The following CDKN2B-AS1 variants were observed in gnomAD, a reference collection of about 807,000 sequenced individuals.
CDKN2B-AS1 encodes CDKN2B antisense RNA 1 (non-protein coding).
chr9:22,019,068 G>T (rs1821911422), intron 1 of CDKN2B-AS1, among the ~76,000 whole-genome samples: 1 of 152,178 alleles, frequency 6.6e-6, no homozygotes, highest in East Asian at 1.9e-4. Flanking sequence ...GGCAAGCTCT[G>T]AGGTGGGACA....
In CDKN2B-AS1 at chr9:22,012,471, A is replaced by G. The variant is rs1034050466; in HGVS notation, n.29+17310A>G. On this transcript the variant is annotated intron_variant and non_coding_transcript_variant, in intron 1 of 4. Coordinates refer to ENST00000650946, the Ensembl canonical transcript of CDKN2B-AS1. ...AAGCGCTATGCTCTCCTGCACCCCT[A>G]TGCTGTCAATTGCCGCAAGAAGAAG... 58 of 689,976 alleles carry G rather than the reference A, an allele frequency of 8.4e-5. No individual in the cohort carries two copies. In the Admixed American group the frequency reaches 9.9e-4, roughly 12 times the overall value. 42.7% of individuals were successfully genotyped at this position (689,976 alleles called of 1,614,324 possible).
At chr9:22,056,814 T>C (rs1218459666) in intron 4 of CDKN2B-AS1, among the ~76,000 whole-genome samples, 1 of 152,232 alleles carries the variant, frequency 6.6e-6, no homozygotes, top group African/African-American at 2.4e-5. Context: ...CTCCGGATTG[T>C]ATATAAAACT....
chr9:22,056,649 T>A (rs773422402), intron 4 of CDKN2B-AS1, among the ~76,000 whole-genome samples: 1 of 152,202 alleles, frequency 6.6e-6, no homozygotes, highest in Non-Finnish European at 1.5e-5. Context: ...TTCTGGCTTC[T>A]CTTCCTTGGC....
chr9:22,009,032 C>T lies in CDKN2B-AS1; in HGVS notation n.29+13871C>T, dbSNP rs775516570. 4 of 1,594,818 alleles carry T rather than the reference C, an allele frequency of 2.5e-6. No homozygotes were observed. The East Asian group carries it at 6.7e-5, about 27-fold the overall frequency. ...TTAACGACACTCTTCCCTTCTTTCC[C>T]ACGCTGCTCCGGCGCACTCTCTCCT... On this transcript the variant is annotated intron_variant and non_coding_transcript_variant, in intron 1 of 4. Transcript: ENST00000650946.
At chr9:22,014,031 C>G (rs946344322) in intron 1 of CDKN2B-AS1, among the ~76,000 whole-genome samples, 1 of 152,108 alleles carries the variant, frequency 6.6e-6, no homozygotes, top group African/African-American at 2.4e-5. Context: ...ATATGGTTGT[C>G]TCTTTCTGTG....
rs79169305 is a variant in CDKN2B-AS1 at position 22,011,396 on chromosome 9, C to T, written n.29+16235C>T. 3.9e-3 allele frequency among the ~76,000 whole-genome samples: 588 copies of T among 152,278 alleles called. 7 individuals are homozygous for T. Among genetic ancestry groups the T allele is most frequent in the African/African-American group, 0.013 (552 of 41,554 alleles). ...GTACTCTGTACGAAGTGCTTTACAG[C>T]TGTTGTTTCATTTAATACTCATAAA... On this transcript the variant is annotated intron_variant and non_coding_transcript_variant, in intron 1 of 4. Transcript: ENST00000650946.
At chr9:22,052,534 T>C (rs925293704) in intron 3 of CDKN2B-AS1, among the ~76,000 whole-genome samples, 1 of 152,142 alleles carries the variant, frequency 6.6e-6, no homozygotes, top group African/African-American at 2.4e-5. Context: ...GGCGAATCTT[T>C]AAGGCAAGTT....
chr9:22,026,524 A>C (rs1212909735), intron 1 of CDKN2B-AS1, among the ~76,000 whole-genome samples: 1 of 152,204 alleles, frequency 6.6e-6, no homozygotes, highest in Non-Finnish European at 1.5e-5. Context: ...GGAGCTTTGT[A>C]CCAGGGAGGC....
intron 4 of CDKN2B-AS1, among the ~76,000 whole-genome samples, chr9:22,086,502 A>G (rs1013056264): frequency 1.3e-5 from 2 of 152,200 alleles, no homozygotes; most frequent in Admixed American, 6.5e-5. Flanking sequence ...CTTATCTCAC[A>G]TGTAAGTTGA....
intron 1 of CDKN2B-AS1, among the ~76,000 whole-genome samples, chr9:22,028,648 AG>A (rs1271890185): frequency 6.6e-6 from 1 of 152,166 alleles, no homozygotes; most frequent in African/African-American, 2.4e-5. Flanking sequence ...AAAAATATGA[AG>A]GCAATTTTAA....
chr9:22,045,038 TTGTGTGTG>T (rs3028395), intron 1 of CDKN2B-AS1, among the ~76,000 whole-genome samples: 16 of 141,952 alleles, frequency 1.1e-4, no homozygotes, highest in South Asian at 6.8e-4. Context: ...TATTATTTAT[TTGTGTGTG>T]TGTGTGTGTG....
intron 4 of CDKN2B-AS1, among the ~76,000 whole-genome samples, chr9:22,091,618 G>C (rs763998333): frequency 6.6e-6 from 1 of 151,920 alleles, no homozygotes; most frequent in Non-Finnish European, 1.5e-5. Context: ...TCATGATTTG[G>C]CTCTCTGTCT....
chr9:22,007,222 C>T lies in CDKN2B-AS1; in HGVS notation n.29+12061C>T, dbSNP rs1821232240. The stretch of plus-strand genomic sequence containing the variant: ...TACAAAAAATAAAAAATTAGCTGGG[C>T]ATGGTGGGGCGTGCCTGTAGTCCCA... On this transcript the variant is annotated intron_variant and non_coding_transcript_variant, in intron 1 of 4. Transcript: ENST00000650946. Among the ~76,000 whole-genome samples, 2 of 152,022 alleles carry T rather than the reference C, an allele frequency of 1.3e-5. 1 individual carries two copies. The highest frequency in any genetic ancestry group is 4.2e-4 in the South Asian group (2 of 4,818).
intron 4 of CDKN2B-AS1, among the ~76,000 whole-genome samples, chr9:22,098,525 C>T (rs1455577892): frequency 6.6e-6 from 1 of 151,924 alleles, no homozygotes; most frequent in East Asian, 1.9e-4. Flanking sequence ...CTTGTAACCA[C>T]ATGTCAGTAG....
chr9:22,118,836 T>G (rs1202568149), intron 4 of CDKN2B-AS1: 1 of 152,228 alleles, frequency 6.6e-6, no homozygotes, highest in African/African-American at 2.4e-5. Context: ...TGTAGCATGC[T>G]GTAATCCTTT....
intron 4 of CDKN2B-AS1, among the ~76,000 whole-genome samples, chr9:22,084,070 A>T (rs1193916480): frequency 3.3e-5 from 5 of 152,224 alleles, no homozygotes. Flanking sequence ...GCATTGTTGT[A>T]AGTAGTTACT....
intron 1 of CDKN2B-AS1, among the ~76,000 whole-genome samples, chr9:22,028,433 G>C (rs575412738): frequency 6.6e-6 from 1 of 152,180 alleles, no homozygotes; most frequent in African/African-American, 2.4e-5. Flanking sequence ...TCAAAATTCA[G>C]TAGCTAATAC....
At position 22,006,485 on chromosome 9, in the gene CDKN2B-AS1, T is replaced by C. The variant is rs1220739946; in HGVS notation, n.29+11324T>C. Among the ~76,000 whole-genome samples the C allele has an allele frequency of 6.6e-6, 1 of 152,200 alleles. No individual in the cohort carries two copies. Among genetic ancestry groups the C allele is most frequent in the Non-Finnish European group, 1.5e-5 (1 of 68,036 alleles). Reference sequence around the variant, plus strand: ...TAAATGCCATTTTATTCTCTAAACGTGCAGAGACAAGAAAGTTGATGGTAA... The same window carrying C: ...TAAATGCCATTTTATTCTCTAAACGCGCAGAGACAAGAAAGTTGATGGTAA... On this transcript the variant is annotated intron_variant and non_coding_transcript_variant, in intron 1 of 4. Transcript: ENST00000650946. The surrounding 1 kb of genome is among the most constrained non-coding windows in gnomAD (Gnocchi z 6.4).
At chr9:22,016,930 A>T (rs1269996107) in intron 1 of CDKN2B-AS1, among the ~76,000 whole-genome samples, 1 of 152,246 alleles carries the variant, frequency 6.6e-6, no homozygotes, top group African/African-American at 2.4e-5. Flanking sequence ...TTGATGATCA[A>T]GCTCTATCTT....
Sources: gnomAD v4.1 joint callset for allele counts (sites outside exome capture counted in the v4.1 genomes callset) on GRCh38, gnomAD v4.1.1 for gene constraint, Gnocchi (gnomAD v3.1) non-coding constraint, MANE v1.5 for transcripts, NCBI Gene and HGNC (gene_info 2026-07-23, HGNC 2026-07-21) for gene names.